Variants in ABHD17C observed in about 807,000 individuals in gnomAD.
ABHD17C encodes the protein alpha/beta hydrolase domain-containing protein 17C.
ABHD17C carries 11 observed loss-of-function variants against 27.9 expected under a neutral mutation model. The observed-to-expected ratio is 0.39, with a 90% CI of 0.25 to 0.65. The LOEUF is 0.65. Among genes scored for constraint, ABHD17C ranks in the 30% least tolerant of loss-of-function variants. The pLI, the probability that ABHD17C is intolerant of heterozygous loss-of-function variation, is 0.45. For synonymous variants in ABHD17C, 233 were observed against 209.1 expected (o/e 1.11, Z -0.98); for missense variants, 280 against 470.2 (o/e 0.60, Z 3.74).
At chr15:80,715,487 G>T (rs1371964243) in intron 1 of ABHD17C, among the ~76,000 whole-genome samples, 3 of 152,308 alleles carry the variant, frequency 2.0e-5, no homozygotes, top group Non-Finnish European at 4.4e-5. Flanking sequence ...TAGTAGGATT[G>T]TTATTCATAG....
intron 1 of ABHD17C, among the ~76,000 whole-genome samples, chr15:80,712,325 C>T (rs768876297): frequency 6.6e-6 from 1 of 152,204 alleles, no homozygotes; most frequent in Non-Finnish European, 1.5e-5. Context: ...GGGCCTTCAT[C>T]TCCTTTGATT....
chr15:80,695,616 A>G lies in ABHD17C; in HGVS notation c.187A>G (p.Thr63Ala), dbSNP rs1321973762. ...GASAPAPAQATAAAAAAQPAP... is the reference protein window; with the variant it reads ...GASAPAPAQAAAAAAAAQPAP... ...GTCCGCCCCGGCCCCGGCCCAGGCT[A>G]CCGCCGCCGCCGCCGCGGCCCAGCC... Residue 63 changes from threonine (T) to alanine (A), a missense_variant, in exon 1 of 3, where the codon ACC (threonine) becomes GCC (alanine). By Grantham distance (58) the Thr-to-Ala change is moderately conservative (BLOSUM62 0). Coordinates refer to ENST00000258884, the MANE Select transcript of ABHD17C (RefSeq NM_021214.2). The surrounding 1 kb of genome is among the most constrained non-coding windows in gnomAD (Gnocchi z 4.3). The G allele has an allele frequency of 6.0e-6, 7 of 1,170,112 alleles. No homozygotes were observed. The highest frequency in any genetic ancestry group is 7.4e-6 in the Non-Finnish European group (7 of 951,302). The allele number at this position is 1,170,112 out of a possible 1,614,324, so 72.5% of individuals were successfully genotyped here. A position where few individuals can be genotyped will look rare whatever the true frequency, so the allele number is the denominator to read the frequency against.
At chr15:80,753,548 C>CT (rs763189123) in intron 2 of ABHD17C, among the ~76,000 whole-genome samples, 2 of 151,884 alleles carry the variant, frequency 1.3e-5, no homozygotes, top group Non-Finnish European at 2.9e-5. Flanking sequence ...CTTTTCTTTT[C>CT]TTTTTTTTCT....
chr15:80,746,653 A>G (rs1895289601), intron 1 of ABHD17C, among the ~76,000 whole-genome samples: 1 of 152,178 alleles, frequency 6.6e-6, no homozygotes, highest in African/African-American at 2.4e-5. Context: ...GAAGGCATTT[A>G]AAGAAGGTCA....
In ABHD17C at chr15:80,755,112, A is replaced by G. The variant is rs923871951; in HGVS notation, c.*742A>G. 2 of 152,124 alleles carry G rather than the reference A, an allele frequency of 1.3e-5. No homozygotes were observed. The highest frequency in any genetic ancestry group is 2.9e-5 in the Non-Finnish European group (2 of 68,030). 9.4% of individuals were successfully genotyped at this position (152,124 alleles called of 1,614,324 possible). On this transcript the variant is annotated 3_prime_UTR_variant, in exon 3 of 3. Coordinates refer to ENST00000258884, the MANE Select transcript of ABHD17C (RefSeq NM_021214.2). ...TAGGCTTTTTTAAAGTACTGTACAT[A>G]TTTGCAATCACATTGTGCATAGATT...
At chr15:80,707,703 C>T (rs561383019) in intron 1 of ABHD17C, among the ~76,000 whole-genome samples, 2 of 152,150 alleles carry the variant, frequency 1.3e-5, no homozygotes, top group East Asian at 1.9e-4. Flanking sequence ...GATAAGGGAA[C>T]TTTAGAGAAC....
chr15:80,749,593 A>G lies in ABHD17C; in HGVS notation c.671A>G (p.Tyr224Cys), dbSNP rs756879604. Reference sequence around the variant, plus strand: ...CCCACGGTAGACTTGGCCTCGAGGTATGAATGCGCAGCGGTAATTCTCCAT... The same window carrying G: ...CCCACGGTAGACTTGGCCTCGAGGTGTGAATGCGCAGCGGTAATTCTCCAT... ...TVPTVDLASRYECAAVILHSP... is the reference protein window; with the variant it reads ...TVPTVDLASRCECAAVILHSP... Residue 224 changes from tyrosine (Y) to cysteine (C), a missense_variant, in exon 2 of 3, where the codon TAT becomes TGT. Transcript: ENST00000258884. The G allele has an allele frequency of 2.5e-6, 4 of 1,613,952 alleles. No homozygotes were observed. Among genetic ancestry groups the G allele is most frequent in the Non-Finnish European group, 2.5e-6 (3 of 1,179,858 alleles).
rs558459065 is a variant in ABHD17C at position 80,753,427 on chromosome 15, A to G, written c.771-724A>G. Among the ~76,000 whole-genome samples, 4 of 152,372 alleles carry G rather than the reference A, an allele frequency of 2.6e-5. No individual in the cohort carries two copies. The South Asian group carries it at 8.3e-4, about 32-fold the overall frequency. On this transcript the variant is annotated intron_variant, in intron 2 of 2. Transcript: ENST00000258884. ...GAGTTTAGTTCATAGTAATGCACCA[A>G]CGTTGGTGTTTTAGTTTTGACAGAT...
Position 80,705,363 on chromosome 15 carries a change from G to GTGTGTGTGTGTGTGTGTA in ABHD17C, c.590+9348_590+9349insTGTGTGTGTGTGTATGTG, listed in dbSNP as rs1282290593. On this transcript the variant is annotated intron_variant, in intron 1 of 2. Transcript: ENST00000258884. ...TGTGTGTGTGTGTGTGTGTGTGTGT[G>GTGTGTGTGTGTGTGTGTA]TGTGGTTAGGAGCATATATTTTAGA... Among the ~76,000 whole-genome samples, 21 of 147,446 alleles carry GTGTGTGTGTGTGTGTGTA rather than the reference G, an allele frequency of 1.4e-4. 1 individual carries two copies. The highest frequency in any genetic ancestry group is 2.2e-4 in the Non-Finnish European group (15 of 66,824).
At chr15:80,698,717 C>T (rs1339784446) in intron 1 of ABHD17C, among the ~76,000 whole-genome samples, 1 of 152,226 alleles carries the variant, frequency 6.6e-6, no homozygotes, top group African/African-American at 2.4e-5. Context: ...TTATGCTATT[C>T]TCTCTTCTTT....
chr15:80,745,197 A>G (rs963420566), intron 1 of ABHD17C, among the ~76,000 whole-genome samples: 1 of 152,224 alleles, frequency 6.6e-6, no homozygotes, highest in Admixed American at 6.5e-5. Flanking sequence ...CCTTCTCTCC[A>G]GTGATGACCC....
At chr15:80,732,644 G>A (rs764345558) in intron 1 of ABHD17C, among the ~76,000 whole-genome samples, 3 of 152,152 alleles carry the variant, frequency 2.0e-5, no homozygotes, top group Admixed American at 6.5e-5. Context: ...AAGGTAAGAC[G>A]GGCACAAAGA....
chr15:80,746,826 G>T (rs1328141734), intron 1 of ABHD17C, among the ~76,000 whole-genome samples: 1 of 152,104 alleles, frequency 6.6e-6, no homozygotes, highest in Non-Finnish European at 1.5e-5. Context: ...AAGTCCCATG[G>T]CGTGTTATAT....
At chr15:80,716,845 T>G (rs993084169) in intron 1 of ABHD17C, among the ~76,000 whole-genome samples, 1 of 152,192 alleles carries the variant, frequency 6.6e-6, no homozygotes, top group African/African-American at 2.4e-5. Context: ...ATTTCCAAAT[T>G]CTTCACCATC....
At chr15:80,727,928 G>T (rs1478670240) in intron 1 of ABHD17C, among the ~76,000 whole-genome samples, 4 of 152,114 alleles carry the variant, frequency 2.6e-5, no homozygotes, top group Non-Finnish European at 5.9e-5. Context: ...TCCTCCCTGG[G>T]TGCAGCCGTC....
At chr15:80,736,259 A>T (rs1895128676) in intron 1 of ABHD17C, among the ~76,000 whole-genome samples, 1 of 152,244 alleles carries the variant, frequency 6.6e-6, no homozygotes, top group Non-Finnish European at 1.5e-5. Context: ...TTCCAAATCT[A>T]CAAACGTGTT....
At chr15:80,713,534 G>A in intron 1 of ABHD17C, among the ~76,000 whole-genome samples, 1 of 151,882 alleles carries the variant, frequency 6.6e-6, no homozygotes, top group East Asian at 1.9e-4. Context: ...TACAGGCCAG[G>A]TGCAGTGGCT....
intron 1 of ABHD17C, among the ~76,000 whole-genome samples, chr15:80,707,969 C>T (rs1317539708): frequency 1.3e-5 from 2 of 152,182 alleles, no homozygotes; most frequent in Non-Finnish European, 2.9e-5. Context: ...CCCTGAAGCT[C>T]AGTGGGAGCT....
At chr15:80,715,821 G>A (rs1187528790) in intron 1 of ABHD17C, among the ~76,000 whole-genome samples, 1 of 152,074 alleles carries the variant, frequency 6.6e-6, no homozygotes, top group Non-Finnish European at 1.5e-5. Flanking sequence ...GTTGCCATTA[G>A]TAGTCATTTT....
Sources: allele counts gnomAD v4.1 joint callset (sites outside exome capture counted in the v4.1 genomes callset), GRCh38; gene constraint gnomAD v4.1.1; non-coding constraint Gnocchi (gnomAD v3.1); transcripts MANE v1.5; gene names NCBI Gene and HGNC (gene_info 2026-07-23, HGNC 2026-07-21).